ARHGAP10: variants seen among roughly 807,000 people sequenced by gnomAD.
The protein encoded by ARHGAP10 is rho GTPase-activating protein 10.
A neutral mutation model predicts 108.6 loss-of-function variants in ARHGAP10; 87 were observed. That is an observed-to-expected ratio of 0.80 (90% CI 0.67 to 0.96). ARHGAP10 has a LOEUF of 0.96. ARHGAP10 is among the 40% of genes least tolerant of loss of function. The pLI is 0.00. For missense variants in ARHGAP10, 939 were observed against 954.5 expected (o/e 0.98, Z 0.21); for synonymous variants, 347 against 341.1 (o/e 1.02, Z -0.19).
At chr4:147,946,462 T>G (rs777775461) in intron 14 of ARHGAP10, 155 bp from the exon 15 acceptor site, 3 of 582,914 alleles carry the variant, frequency 5.1e-6, no homozygotes, top group South Asian at 2.8e-5. Flanking sequence ...GAACATAGCT[T>G]ATAGTATTTT....
chr4:147,841,141 T>C (rs958395549), intron 3 of ARHGAP10, among the ~76,000 whole-genome samples: 16 of 152,278 alleles, frequency 1.1e-4, no homozygotes, highest in Admixed American at 2.0e-4. Flanking sequence ...ATTTACTACC[T>C]GGTCTTTTAT....
chr4:148,071,638 CAAAA>C (rs11393465), intron 22 of ARHGAP10, among the ~76,000 whole-genome samples: 5,263 of 150,738 alleles, frequency 0.035, 316 homozygotes, highest in African/African-American at 0.12. Flanking sequence ...AACAAACAAA[CAAAA>C]AAAAACACAA....
rs780263863 is a variant in ARHGAP10 at position 148,064,416 on chromosome 4, C to T, written c.2181C>T (p.Ser727=). The change falls in exon 22 of 23, where the codon AGC becomes AGT. Residue 727 remains serine, a splice_region_variant and synonymous_variant. Transcript: ENST00000336498. ...PATVADKPPE[S]IRSRKARAVY... is the part of the protein sequence containing the mutation. Reference sequence around the variant, plus strand: ...TCTTTTGTATTCTCTTTCTTTTCAGCATCCGCAGTCGGAAGGCTCGAGCCG... The same window carrying T: ...TCTTTTGTATTCTCTTTCTTTTCAGTATCCGCAGTCGGAAGGCTCGAGCCG... 1.9e-6 allele frequency: 3 copies of T among 1,612,982 alleles called. No individual in the cohort carries two copies. The highest frequency in any genetic ancestry group is 1.7e-5 in the Admixed American group (1 of 59,798).
In ARHGAP10 at chr4:147,857,534, GTT is replaced by G; in HGVS notation, c.385-10_385-9del. 8.6e-7 allele frequency: 1 copy of G among 1,160,072 alleles called. No homozygotes were observed. The highest frequency in any genetic ancestry group is 1.8e-5 in the South Asian group (1 of 54,394). The allele number at this position is 1,160,072 out of a possible 1,614,324, so 71.9% of individuals were successfully genotyped here. On this transcript the variant is annotated splice_polypyrimidine_tract_variant and intron_variant, in intron 4 of 22. Transcript: ENST00000336498. ...ATCCTTTTGTTTCTGTTTAATCATA[GTT>G]TTTTTTTTATTTGTAGGAAGAAAAA...
chr4:148,025,470 T>G (rs1028675020), intron 19 of ARHGAP10, among the ~76,000 whole-genome samples: 2 of 152,108 alleles, frequency 1.3e-5, no homozygotes, highest in East Asian at 1.9e-4. Flanking sequence ...AACTTAAAAC[T>G]ATTATTCTCC....
At chr4:147,944,012 A>T (rs185423821) in intron 14 of ARHGAP10, among the ~76,000 whole-genome samples, 66 of 152,358 alleles carry the variant, frequency 4.3e-4, no homozygotes, top group African/African-American at 1.6e-3. Context: ...GAAAGCTGGA[A>T]ATAAAAGATT....
chr4:147,800,461 C>T (rs994766665), intron 1 of ARHGAP10, among the ~76,000 whole-genome samples: 1 of 152,090 alleles, frequency 6.6e-6, no homozygotes, highest in Admixed American at 6.5e-5. Context: ...GTTGGTGGGG[C>T]TTTAGGTTGG....
chr4:147,805,511 T>C (rs141044921), intron 1 of ARHGAP10, among the ~76,000 whole-genome samples: 1 of 152,354 alleles, frequency 6.6e-6, no homozygotes, highest in African/African-American at 2.4e-5. Context: ...ATGAAGAATG[T>C]CAATGGTAGT....
chr4:147,802,533 C>T (rs920141489), intron 1 of ARHGAP10, among the ~76,000 whole-genome samples: 2 of 152,352 alleles, frequency 1.3e-5, no homozygotes, highest in African/African-American at 4.8e-5. Flanking sequence ...TGTTTGTAGC[C>T]TCTCTGTCCT....
chr4:147,889,785 T>G (rs1735720407), intron 10 of ARHGAP10, among the ~76,000 whole-genome samples: 1 of 152,242 alleles, frequency 6.6e-6, no homozygotes, highest in South Asian at 2.1e-4. Flanking sequence ...AGGCTGGGCT[T>G]GCATTTGATC....
chr4:148,039,641 T>G (rs1049274838), intron 19 of ARHGAP10, among the ~76,000 whole-genome samples: 4 of 152,002 alleles, frequency 2.6e-5, no homozygotes, highest in African/African-American at 9.7e-5. Context: ...AGCATTGCTG[T>G]TGAGAAGTCT....
At chr4:147,770,888 A>G (rs1262133449) in intron 1 of ARHGAP10, among the ~76,000 whole-genome samples, 7 of 152,164 alleles carry the variant, frequency 4.6e-5, no homozygotes, top group African/African-American at 1.4e-4. Context: ...GTCTGAGATC[A>G]AGGTGTTGGC....
At chr4:147,737,664 C>T (rs1728476949) in intron 1 of ARHGAP10, among the ~76,000 whole-genome samples, 2 of 152,206 alleles carry the variant, frequency 1.3e-5, no homozygotes, top group Non-Finnish European at 2.9e-5. Context: ...TGGGGCATCA[C>T]CTGGGATAAG....
At chr4:147,989,349 CATCTT>C (rs1193320191) in intron 18 of ARHGAP10, among the ~76,000 whole-genome samples, 1 of 152,260 alleles carries the variant, frequency 6.6e-6, no homozygotes, top group Non-Finnish European at 1.5e-5. Flanking sequence ...TCATTGATAA[CATCTT>C]ATCAGGAGAC....
intron 3 of ARHGAP10, among the ~76,000 whole-genome samples, chr4:147,839,556 TA>T (rs1382523238): frequency 6.6e-6 from 1 of 152,242 alleles, no homozygotes; most frequent in South Asian, 2.1e-4. Flanking sequence ...AAATTGTTAC[TA>T]AAGATACTAT....
At chr4:148,027,830 A>G (rs1727943626) in intron 19 of ARHGAP10, among the ~76,000 whole-genome samples, 1 of 152,206 alleles carries the variant, frequency 6.6e-6, no homozygotes. Flanking sequence ...AAAGCAGGCC[A>G]CTGTGCGGTC....
chr4:147,732,191 C>A lies in ARHGAP10; in HGVS notation c.-111C>A. 2 of 1,157,012 alleles carry A rather than the reference C, an allele frequency of 1.7e-6. No individual in the cohort carries two copies. The highest frequency in any genetic ancestry group is 2.3e-5 in the South Asian group (1 of 44,252). 71.7% of individuals were successfully genotyped at this position (1,157,012 alleles called of 1,614,324 possible). On this transcript the variant is annotated 5_prime_UTR_variant, in exon 1 of 23. It introduces an in-frame stop codon into an upstream open reading frame of the 5' UTR. Transcript: ENST00000336498. The stretch of plus-strand genomic sequence containing the variant: ...CGCGCTCGCCGCGCGCCCGGGCCTG[C>A]TAGCTCCTCTGTGCTCCCTGAACGC...
intron 18 of ARHGAP10, among the ~76,000 whole-genome samples, chr4:148,011,803 C>G (rs1241795346): frequency 1.3e-5 from 2 of 152,016 alleles, no homozygotes; most frequent in Admixed American, 1.3e-4. Context: ...CAGGAGACAC[C>G]CTGAGAATAT....
chr4:148,066,931 G>T (rs937652396), intron 22 of ARHGAP10, among the ~76,000 whole-genome samples: 1 of 152,216 alleles, frequency 6.6e-6, no homozygotes, highest in African/African-American at 2.4e-5. Context: ...ACGAGGCTAC[G>T]CTTTGAGCCA....
Sources: gnomAD v4.1 joint callset for allele counts (sites outside exome capture counted in the v4.1 genomes callset) on GRCh38, gnomAD v4.1.1 for gene constraint, MANE v1.5 for transcripts, NCBI Gene and HGNC (gene_info 2026-07-23, HGNC 2026-07-21) for gene names.